AKAP9: variants seen among roughly 807,000 people sequenced by gnomAD.
AKAP9 encodes A-kinase anchoring protein 9, also known as A-kinase anchor protein 9.
Under a neutral mutation model 488.5 loss-of-function variants are expected in AKAP9, and 311 were observed. That is an observed-to-expected ratio of 0.64 (90% CI 0.58 to 0.70). The LOEUF (loss-of-function observed/expected upper bound fraction) is 0.70. Among genes scored for constraint, AKAP9 ranks in the 30% least tolerant of loss-of-function variants. The pLI is 0.00. For synonymous variants in AKAP9, 1,462 were observed against 1,483.5 expected (o/e 0.99, Z 0.33); for missense variants, 4,215 against 4,374.5 (o/e 0.96, Z 1.03).
chr7:92,108,422 T>C (rs1488681140), intron 48 of AKAP9, 72 bp from the exon 49 acceptor site: 1 of 1,508,096 alleles, frequency 6.6e-7, no homozygotes, highest in East Asian at 2.3e-5. Context: ...GGGAAGGGAG[T>C]GGAGGCAGGT....
chr7:92,097,555 ATTG>A (rs1295140241), intron 41 of AKAP9, 28 bp from the exon 42 acceptor site: 2 of 1,600,376 alleles, frequency 1.2e-6, no homozygotes. Flanking sequence ...ACTTATAATT[ATTG>A]TTTTCTTATT....
chr7:92,077,597 A>T, intron 29 of AKAP9, 99 bp from the exon 30 acceptor site: 3 of 1,044,252 alleles, frequency 2.9e-6, no homozygotes, highest in Non-Finnish European at 4.4e-6. Context: ...CTCTGATTTT[A>T]TTCATTTGTA....
At chr7:91,980,608 A>T (rs1796293217) in intron 3 of AKAP9, among the ~76,000 whole-genome samples, 1 of 140,416 alleles carries the variant, frequency 7.1e-6, no homozygotes, top group Non-Finnish European at 1.5e-5. Context: ...TTTCTTAGAC[A>T]TGTGACTGTT....
chr7:92,065,020 G>A (rs1430155396), intron 24 of AKAP9, among the ~76,000 whole-genome samples: 2 of 150,500 alleles, frequency 1.3e-5, no homozygotes, highest in Non-Finnish European at 3.0e-5. Context: ...TAATAATTCT[G>A]TATAATTTTA....
intron 19 of AKAP9, 45 bp downstream of exon 19, chr7:92,042,231 C>T: frequency 6.2e-7 from 1 of 1,611,800 alleles, no homozygotes; most frequent in Non-Finnish European, 8.5e-7. Context: ...ATCACCAATT[C>T]AGTAGGATTT....
chr7:92,070,081 C>T lies in AKAP9; in HGVS notation c.6382C>T (p.Leu2128Phe). ...AGAAAAAACAGACAAATGCAGTGAG[C>T]TTTTGCTCTCTAAAGAGCAGCTTCA... is the stretch of plus-strand genomic sequence containing the variant. ...LKEKTDKCSE[L>F]LLSKEQLQRD... Residue 2128 changes from leucine (L) to phenylalanine (F), a missense_variant, in exon 27 of 50, where the codon CTT (leucine) becomes TTT (phenylalanine). Transcript: ENST00000356239. 18 of 1,613,782 alleles carry T rather than the reference C, an allele frequency of 1.1e-5. No individual in the cohort carries two copies. The highest frequency in any genetic ancestry group is 1.5e-5 in the Non-Finnish European group (18 of 1,179,912).
chr7:92,038,104 C>T (rs915038486), intron 16 of AKAP9, among the ~76,000 whole-genome samples: 1 of 152,096 alleles, frequency 6.6e-6, no homozygotes, highest in African/African-American at 2.4e-5. Context: ...AAAATGTTTA[C>T]ATTGATTTTT....
Position 92,070,921 on chromosome 7 carries a change from A to G in AKAP9, c.6524A>G (p.His2175Arg), listed in dbSNP as rs1315927929. 6.2e-7 allele frequency: 1 copy of G among 1,613,566 alleles called. No individual in the cohort carries two copies. The highest frequency in any genetic ancestry group is 8.5e-7 in the Non-Finnish European group (1 of 1,179,622). ...TATTTAAAGGTAGAGGACCGAAAAC[A>G]CTTTGGAGCTGTAGAAGCTAAACCA... ...DTFQKVEDRK[H>R]FGAVEAKPEL... is the part of the protein sequence containing the mutation. The change falls in exon 28 of 50, where the codon CAC becomes CGC. Residue 2175 changes from histidine to arginine, a missense_variant. By Grantham distance (29) the His-to-Arg change is conservative (BLOSUM62 0). Transcript: ENST00000356239.
At chr7:91,964,869 T>C (rs186850896) in intron 1 of AKAP9, among the ~76,000 whole-genome samples, 1 of 152,294 alleles carries the variant, frequency 6.6e-6, no homozygotes, top group Non-Finnish European at 1.5e-5. Context: ...GTGCCAAGGA[T>C]AGAAAGTCTC....
At chr7:92,024,476 G>A (rs1273328498) in intron 14 of AKAP9, among the ~76,000 whole-genome samples, 1 of 150,420 alleles carries the variant, frequency 6.6e-6, no homozygotes, top group Non-Finnish European at 1.5e-5. Flanking sequence ...CCAAATATGT[G>A]TAAATTTGGA....
intron 24 of AKAP9, among the ~76,000 whole-genome samples, chr7:92,064,576 A>T (rs1250803211): frequency 6.6e-6 from 1 of 152,058 alleles, no homozygotes; most frequent in Non-Finnish European, 1.5e-5. Context: ...TAAGTGGCTG[A>T]GCTAGGTTGG....
intron 14 of AKAP9, 60 bp from the exon 15 acceptor site, chr7:92,029,835 G>A: frequency 7.4e-7 from 1 of 1,360,426 alleles, no homozygotes; most frequent in South Asian, 1.2e-5. Context: ...TGTAGATTTT[G>A]CATGAACACT....
intron 24 of AKAP9, 32 bp downstream of exon 24, chr7:92,062,518 C>A: frequency 6.3e-7 from 1 of 1,579,456 alleles, no homozygotes; most frequent in South Asian, 1.1e-5. Context: ...ATGAAACAGT[C>A]CTCTGATTTT....
chr7:92,043,319 C>G, intron 20 of AKAP9: 1 of 985,102 alleles, frequency 1.0e-6, no homozygotes, highest in Non-Finnish European at 1.2e-6. Flanking sequence ...ATTTTGGCTT[C>G]CCCATTGGAT....
intron 8 of AKAP9, among the ~76,000 whole-genome samples, chr7:92,010,139 G>A (rs769850452): frequency 5.3e-5 from 8 of 152,248 alleles, no homozygotes; most frequent in South Asian, 4.1e-4. Flanking sequence ...AGGGTGGTGG[G>A]AGATAAAGAT....
At chr7:92,064,153 C>T (rs1391586954) in intron 24 of AKAP9, among the ~76,000 whole-genome samples, 1 of 152,002 alleles carries the variant, frequency 6.6e-6, no homozygotes, top group Non-Finnish European at 1.5e-5. Context: ...TTAAAATGCT[C>T]CTTCTAAATC....
At chr7:92,067,533 A>G (rs973935831) in intron 26 of AKAP9, among the ~76,000 whole-genome samples, 2 of 152,082 alleles carry the variant, frequency 1.3e-5, no homozygotes, top group Admixed American at 6.6e-5. Context: ...ACTTTTATTC[A>G]TCTTCCTAAA....
In AKAP9 at chr7:92,070,927, G is replaced by A. The variant is rs1811632974; in HGVS notation, c.6530G>A (p.Gly2177Glu). The A allele has an allele frequency of 1.9e-6, 3 of 1,613,494 alleles. No individual in the cohort carries two copies. The highest frequency in any genetic ancestry group is 2.5e-6 in the Non-Finnish European group (3 of 1,179,796). The change falls in exon 28 of 50, where the codon GGA (glycine) becomes GAA (glutamate). Residue 2177 changes from glycine to glutamate, a missense_variant. Around this residue, in one of 5 missense-constraint regions of AKAP9, gnomAD observed 2,361 missense variants for 2,430.0 expected, o/e 0.97. Transcript: ENST00000356239. ...AAGGTAGAGGACCGAAAACACTTTG[G>A]AGCTGTAGAAGCTAAACCAGAATTG... Reference protein sequence around the residue: ...FQKVEDRKHFGAVEAKPELSL... With the variant: ...FQKVEDRKHFEAVEAKPELSL...
chr7:92,105,853 G>A, intron 47 of AKAP9, 90 bp downstream of exon 47: 1 of 1,211,248 alleles, frequency 8.3e-7, no homozygotes, highest in Non-Finnish European at 1.2e-6. Flanking sequence ...CTTGTCTGTG[G>A]CCTGTTAGGA....
Sources: gnomAD v4.1 joint callset for allele counts (sites outside exome capture counted in the v4.1 genomes callset) on GRCh38, gnomAD v4.1.1 for gene constraint, gnomAD v4.1.1 regional missense constraint, MANE v1.5 for transcripts, NCBI Gene and HGNC (gene_info 2026-07-23, HGNC 2026-07-21) for gene names.